RPTOR: variants seen among roughly 807,000 people sequenced by gnomAD.
The protein encoded by RPTOR is regulatory associated protein of MTOR complex 1, also known as regulatory-associated protein of mTOR.
In RPTOR, 21 loss-of-function variants were observed where a neutral mutation model predicts 169.9. That is an observed-to-expected ratio of 0.12 (90% CI 0.09 to 0.18). The LOEUF is 0.18. RPTOR is among the 10% of genes least tolerant of loss of function. The probability of loss-of-function intolerance (pLI) is 1.00; values close to 1 mark genes in which losing one functional copy is unlikely to be tolerated. For synonymous variants in RPTOR, 732 were observed against 753.2 expected (o/e 0.97, Z 0.46); for missense variants, 1,133 against 1,855.9 (o/e 0.61, Z 7.16).
chr17:80,919,564 G>A (rs569330047), intron 21 of RPTOR, among the ~76,000 whole-genome samples: 4 of 152,290 alleles, frequency 2.6e-5, no homozygotes, highest in East Asian at 3.9e-4. Context: ...TGGATCAGAC[G>A]CCCCCGTGTC....
intron 1 of RPTOR, among the ~76,000 whole-genome samples, chr17:80,610,710 C>T (rs1056243655): frequency 3.3e-5 from 5 of 152,128 alleles, no homozygotes; most frequent in Non-Finnish European, 7.4e-5. Flanking sequence ...AGGAGCACCC[C>T]GTGCCACCCA....
intron 13 of RPTOR, among the ~76,000 whole-genome samples, chr17:80,870,087 G>T (rs78408695): frequency 0.032 from 4,828 of 152,228 alleles, 249 homozygotes; most frequent in African/African-American, 0.1. Context: ...CGTAGGCAAG[G>T]TTCCAGTTAA....
At chr17:80,948,259 G>A (rs1456739078) in intron 27 of RPTOR, among the ~76,000 whole-genome samples, 4 of 152,248 alleles carry the variant, frequency 2.6e-5, no homozygotes, top group African/African-American at 9.6e-5. Context: ...CCCTCTCAAC[G>A]CGGTTGCGGG....
intron 7 of RPTOR, among the ~76,000 whole-genome samples, chr17:80,809,952 G>A (rs553730801): frequency 1.3e-3 from 200 of 152,138 alleles, no homozygotes; most frequent in Non-Finnish European, 2.3e-3. Flanking sequence ...CAGGAGAATC[G>A]CTTGAACCCG....
At chr17:80,772,528 C>A (rs562583277) in intron 6 of RPTOR, among the ~76,000 whole-genome samples, 2 of 142,660 alleles carry the variant, frequency 1.4e-5, no homozygotes, top group Non-Finnish European at 3.1e-5. Flanking sequence ...TCCCCTCCCC[C>A]CCACATGCCT....
At chr17:80,874,711 T>C (rs2068087475) in intron 13 of RPTOR, among the ~76,000 whole-genome samples, 3 of 152,148 alleles carry the variant, frequency 2.0e-5, no homozygotes, top group Non-Finnish European at 2.9e-5. Flanking sequence ...AGCAGTTTTA[T>C]TGGCACCCAC....
chr17:80,852,800 C>T (rs1486485804), intron 11 of RPTOR, among the ~76,000 whole-genome samples: 5 of 152,088 alleles, frequency 3.3e-5, no homozygotes, highest in Non-Finnish European at 7.4e-5. Flanking sequence ...ATGCTCCTGA[C>T]TCGGTGGCTC....
At position 80,771,154 on chromosome 17, in the gene RPTOR, T is replaced by G. The variant is rs549931290; in HGVS notation, c.830+16969T>G. Among the ~76,000 whole-genome samples, 3 of 152,298 alleles carry G rather than the reference T, an allele frequency of 2.0e-5. No individual in the cohort carries two copies. In the South Asian group the frequency reaches 6.2e-4, roughly 32 times the overall value. ...CCCTGCCCTGGGGTCTGCGGCTGCC[T>G]CTCTGAAGCTCCCACTCTCTGGCCA... On this transcript the variant is annotated intron_variant, in intron 6 of 33. Transcript: ENST00000306801.
intron 1 of RPTOR, among the ~76,000 whole-genome samples, chr17:80,598,235 A>G (rs892326182): frequency 3.3e-5 from 5 of 152,176 alleles, no homozygotes; most frequent in African/African-American, 1.2e-4. Context: ...AATTCCAGAT[A>G]CTATATGATG....
Position 80,892,724 on chromosome 17 carries a change from C to G in RPTOR, c.2102-5C>G. ...TTGTAATTTGTCTTTCTCCTTCTTTCCCAGAGGGAGGGAGTTTGACCCCAG... is the reference window on the plus strand; with the variant it reads ...TTGTAATTTGTCTTTCTCCTTCTTTGCCAGAGGGAGGGAGTTTGACCCCAG... On this transcript the variant is annotated splice_polypyrimidine_tract_variant and splice_region_variant and intron_variant, in intron 18 of 33. Transcript: ENST00000306801. 6.2e-7 allele frequency: 1 copy of G among 1,612,426 alleles called. No homozygotes were observed. Among genetic ancestry groups the G allele is most frequent in the Non-Finnish European group, 8.5e-7 (1 of 1,179,118 alleles).
Position 80,823,372 on chromosome 17 carries a change from TC to T in RPTOR, c.1136+152del. The T allele has an allele frequency of 2.5e-6, 2 of 815,626 alleles. No homozygotes were observed. The highest frequency in any genetic ancestry group is 2.3e-5 in the African/African-American group (1 of 43,086). The allele number at this position is 815,626 out of a possible 1,614,324, so 50.5% of individuals were successfully genotyped here. ...TAACAAGTGAAGCTAAATGCAGGGC[TC>T]CCAGAGATCTCCACACAGAGGAGTG... On this transcript the variant is annotated intron_variant, in intron 9 of 33. Transcript: ENST00000306801. The surrounding 1 kb of genome is among the most constrained non-coding windows in gnomAD (Gnocchi z 4.5).
At chr17:80,905,191 A>G (rs1356906149) in intron 20 of RPTOR, among the ~76,000 whole-genome samples, 1 of 148,982 alleles carries the variant, frequency 6.7e-6, no homozygotes, top group African/African-American at 2.5e-5. Flanking sequence ...TTTTTTTTTT[A>G]TGTGTATTAC....
At chr17:80,748,211 G>A (rs1490879936) in intron 5 of RPTOR, among the ~76,000 whole-genome samples, 1 of 114,930 alleles carries the variant, frequency 8.7e-6, no homozygotes, top group Non-Finnish European at 1.7e-5. Context: ...AGGCCGTGGC[G>A]GGAGGGCCTG....
chr17:80,603,073 A>G (rs1440824451), intron 1 of RPTOR: 1 of 170,826 alleles, frequency 5.9e-6, no homozygotes, highest in African/African-American at 2.4e-5. Context: ...AGTAGGAACT[A>G]TTCATGGTGG....
At chr17:80,949,198 G>A (rs922268590) in intron 27 of RPTOR, among the ~76,000 whole-genome samples, 3 of 152,180 alleles carry the variant, frequency 2.0e-5, no homozygotes, top group Non-Finnish European at 2.9e-5. Context: ...GGCCAGGGTG[G>A]GACAGGATTG....
intron 1 of RPTOR, among the ~76,000 whole-genome samples, chr17:80,564,547 G>A (rs1293349439): frequency 2.0e-5 from 3 of 150,892 alleles, no homozygotes; most frequent in African/African-American, 7.3e-5. Context: ...GTGAACTCAC[G>A]TCACAGTGGT....
At chr17:80,771,948 T>G (rs1052619653) in intron 6 of RPTOR, among the ~76,000 whole-genome samples, 1 of 152,180 alleles carries the variant, frequency 6.6e-6, no homozygotes, top group African/African-American at 2.4e-5. Flanking sequence ...GCCTCCCTGG[T>G]AACTGGGTCT....
chr17:80,829,127 C>T (rs919554819), intron 9 of RPTOR, among the ~76,000 whole-genome samples: 9 of 152,162 alleles, frequency 5.9e-5, no homozygotes, highest in East Asian at 1.9e-4. Flanking sequence ...TCTAAGCCTT[C>T]GAAGCACTAA....
intron 2 of RPTOR, among the ~76,000 whole-genome samples, chr17:80,631,013 T>C (rs1237510455): frequency 6.6e-6 from 1 of 152,172 alleles, no homozygotes. Context: ...CCCCCAGTGA[T>C]GGCAAACGTC....
Sources: allele counts gnomAD v4.1 joint callset (sites outside exome capture counted in the v4.1 genomes callset), GRCh38; gene constraint gnomAD v4.1.1; non-coding constraint Gnocchi (gnomAD v3.1); transcripts MANE v1.5; gene names NCBI Gene and HGNC (gene_info 2026-07-23, HGNC 2026-07-21).